The following OPHN1 variants were observed in gnomAD, a reference collection of about 807,000 sequenced individuals.
OPHN1 encodes oligophrenin 1, also known as oligophrenin-1.
A neutral mutation model predicts 60.7 loss-of-function variants in OPHN1; 11 were observed. That is an observed-to-expected ratio of 0.18 (90% CI 0.11 to 0.30). The LOEUF (loss-of-function observed/expected upper bound fraction) is 0.30, where lower values mean the gene tolerates loss of function less well. Among genes scored for constraint, OPHN1 ranks in the 10% least tolerant of loss-of-function variants. The pLI is 1.00. For missense variants in OPHN1, 449 were observed against 611.0 expected (o/e 0.73, Z 2.80); for synonymous variants, 226 against 222.6 (o/e 1.02, Z -0.14).
intron 15 of OPHN1, among the ~76,000 whole-genome samples, chrX:68,181,090 C>T (rs1001406572): frequency 1.8e-5 from 2 of 111,438 alleles, no homozygotes; most frequent in Admixed American, 9.6e-5. Context: ...ATATGAATCC[C>T]TCCACATCTG....
chrX:68,283,213 C>A, intron 3 of OPHN1, 96 bp from the exon 4 acceptor site: 1 of 684,258 alleles, frequency 1.5e-6, no homozygotes, highest in Non-Finnish European at 2.3e-6. Flanking sequence ...GACCAGTGCC[C>A]TATGCCCACA....
Position 68,422,850 on chromosome X carries a change from GAAAAGAAAAGAA to G in OPHN1, c.154+10005_154+10016del, listed in dbSNP as rs780318291. Among the ~76,000 whole-genome samples the G allele has an allele frequency of 4.6e-3, 497 of 108,483 alleles. 8 individuals are homozygous for G. The highest frequency in any genetic ancestry group is 0.03 in the Admixed American group (299 of 10,110). 94.2% of individuals were successfully genotyped at this position (108,483 alleles called of 115,157 possible). ...GAAAGAGAAAGAGGAAAGGAAAAGA[GAAAAGAAAAGAA>G]AAAAGAAAAGAAAAGAAAAGGCCTT... On this transcript the variant is annotated intron_variant, in intron 2 of 24. Transcript: ENST00000355520.
At chrX:68,173,499 A>G (rs2077400259) in intron 15 of OPHN1, among the ~76,000 whole-genome samples, 1 of 111,496 alleles carries the variant, frequency 9.0e-6, no homozygotes, top group African/African-American at 3.3e-5. Flanking sequence ...CTGGTGAGAA[A>G]GACACTTGTT....
At chrX:68,360,231 T>G (rs193273893) in intron 2 of OPHN1, among the ~76,000 whole-genome samples, 52 of 111,051 alleles carry the variant, frequency 4.7e-4, no homozygotes, top group African/African-American at 1.6e-3. Context: ...CAAGTTGAAG[T>G]GTAGTGTCAC....
chrX:68,113,116 A>T, intron 17 of OPHN1, 65 bp downstream of exon 17: 1 of 974,502 alleles, frequency 1.0e-6, no homozygotes, highest in Non-Finnish European at 1.5e-6. Context: ...ACAATTTTCT[A>T]GGCTTATTGC....
chrX:68,404,922 A>C (rs985426804), intron 2 of OPHN1, among the ~76,000 whole-genome samples: 2 of 111,035 alleles, frequency 1.8e-5, no homozygotes, highest in Non-Finnish European at 3.8e-5. Flanking sequence ...TGGGGGGAGA[A>C]GGGGGAATTA....
At chrX:68,252,096 C>T (rs2077838572) in intron 5 of OPHN1, among the ~76,000 whole-genome samples, 1 of 111,647 alleles carries the variant, frequency 9.0e-6, no homozygotes. Context: ...TGCCACCATC[C>T]TGAGAATAAT....
At position 68,282,395 on chromosome X, in the gene OPHN1, G is replaced by A. The variant is rs188140762; in HGVS notation, c.312+661C>T. 7.4e-3 allele frequency among the ~76,000 whole-genome samples: 828 copies of A among 111,843 alleles called. 10 individuals are homozygous for A. Among genetic ancestry groups the A allele is most frequent in the African/African-American group, 0.025 (785 of 30,838 alleles). ...TTGTCAGGGTTTCAGGACTGGAGAA[G>A]GAAGAGAAGGATGAATAGATTGGAC... On this transcript the variant is annotated intron_variant, in intron 4 of 24. Coordinates refer to ENST00000355520, the MANE Select transcript of OPHN1 (RefSeq NM_002547.3).
intron 5 of OPHN1, among the ~76,000 whole-genome samples, chrX:68,250,642 C>T (rs894488829): frequency 3.6e-5 from 4 of 111,519 alleles, no homozygotes; most frequent in Non-Finnish European, 7.5e-5. Context: ...GTTCCTTGTT[C>T]GTGTTTGGTA....
chrX:68,341,968 G>GCT (rs2078354544), intron 2 of OPHN1, among the ~76,000 whole-genome samples: 1 of 85,010 alleles, frequency 1.2e-5, no homozygotes, highest in African/African-American at 4.6e-5. Context: ...AATTTTTGGT[G>GCT]TTTTTTTTTT....
intron 2 of OPHN1, among the ~76,000 whole-genome samples, chrX:68,317,703 GAGAA>G (rs994196026): frequency 9.4e-6 from 1 of 106,631 alleles, no homozygotes; most frequent in Non-Finnish European, 1.9e-5. Context: ...GGGAGGGAAA[GAGAA>G]AGAAAGAAAA....
intron 4 of OPHN1, among the ~76,000 whole-genome samples, chrX:68,278,880 C>T (rs759502297): frequency 2.4e-3 from 259 of 109,527 alleles, no homozygotes; most frequent in African/African-American, 8.0e-3. Context: ...AGGGAGACTC[C>T]GTCACAAAAA....
At chrX:68,152,187 A>G (rs897070320) in intron 15 of OPHN1, among the ~76,000 whole-genome samples, 1 of 111,244 alleles carries the variant, frequency 9.0e-6, no homozygotes, top group Non-Finnish European at 1.9e-5. Flanking sequence ...CTAGGTGGCA[A>G]CAAACATCCA....
intron 18 of OPHN1, among the ~76,000 whole-genome samples, chrX:68,109,715 C>T (rs186443748): frequency 1.6e-3 from 175 of 111,075 alleles, no homozygotes; most frequent in African/African-American, 5.2e-3. Context: ...TATTATAAAC[C>T]TTGTTTTACA....
In OPHN1 at chrX:68,287,108, GA is replaced by G. The variant is rs775813135; in HGVS notation, c.251-3992del. ...GGAAGGAGAAAGAAAAAGAAAGGAA[GA>G]AAAAAAAGAAAGAGAGAGAGAAAGG... is the stretch of plus-strand genomic sequence containing the variant. On this transcript the variant is annotated intron_variant, in intron 3 of 24. Transcript: ENST00000355520. Among the ~76,000 whole-genome samples the G allele has an allele frequency of 1.4e-4, 11 of 76,571 alleles. No homozygotes were observed. The East Asian group carries it at 2.5e-3, about 18-fold the overall frequency. 66.5% of individuals were successfully genotyped at this position (76,571 alleles called of 115,157 possible).
At chrX:68,083,038 C>A (rs2076980009) in intron 19 of OPHN1, among the ~76,000 whole-genome samples, 1 of 103,114 alleles carries the variant, frequency 9.7e-6, no homozygotes, top group Non-Finnish European at 2.0e-5. Context: ...CATCATGAAC[C>A]AACCTCTGCT....
At chrX:68,105,026 C>T (rs2077075182) in intron 18 of OPHN1, among the ~76,000 whole-genome samples, 1 of 112,217 alleles carries the variant, frequency 8.9e-6, no homozygotes, top group South Asian at 3.7e-4. Context: ...CAAAAGAACA[C>T]ATTTATGAGG....
At chrX:68,174,114 C>T (rs1048666211) in intron 15 of OPHN1, among the ~76,000 whole-genome samples, 1 of 111,840 alleles carries the variant, frequency 8.9e-6, no homozygotes, top group Non-Finnish European at 1.9e-5. Flanking sequence ...AAGATCTTTA[C>T]ATTTCACTGT....
At chrX:68,244,268 T>C (rs1238927002) in intron 5 of OPHN1, among the ~76,000 whole-genome samples, 1 of 112,631 alleles carries the variant, frequency 8.9e-6, no homozygotes, top group Non-Finnish European at 1.9e-5. Flanking sequence ...TTTCAGAGGC[T>C]GTCCATTATG....
Sources: allele counts gnomAD v4.1 joint callset (sites outside exome capture counted in the v4.1 genomes callset), GRCh38; gene constraint gnomAD v4.1.1; transcripts MANE v1.5; gene names NCBI Gene and HGNC (gene_info 2026-07-23, HGNC 2026-07-21).